The following FAM219B variants were observed in gnomAD, a reference collection of about 807,000 sequenced individuals.
The protein encoded by FAM219B is family with sequence similarity 219 member B.
FAM219B carries 18 observed loss-of-function variants against 19.9 expected under a neutral mutation model. That is an observed-to-expected ratio of 0.91 (90% CI 0.63 to 1.34). The LOEUF is 1.34. FAM219B is among the 40% of genes most tolerant of loss of function. The pLI, the probability that FAM219B is intolerant of heterozygous loss-of-function variation, is 0.00. For synonymous variants in FAM219B, 123 were observed against 117.5 expected (o/e 1.05, Z -0.30); for missense variants, 283 against 270.5 (o/e 1.05, Z -0.32).
intron 4 of FAM219B, 58 bp downstream of exon 4, chr15:74,904,606 C>T: frequency 6.3e-7 from 1 of 1,591,286 alleles, no homozygotes; most frequent in Non-Finnish European, 8.6e-7. Context: ...AAGCATTTGG[C>T]AGTGGTGGTA....
At chr15:74,905,870 C>T (rs931098957) in intron 2 of FAM219B, 1 of 170,722 alleles carries the variant, frequency 5.9e-6, no homozygotes, top group Non-Finnish European at 1.3e-5. Flanking sequence ...CGAGTTTCAA[C>T]CCTCATCTGT....
In FAM219B at chr15:74,906,846, A is replaced by C. The variant is rs1595853991; in HGVS notation, c.-46T>G. 4 of 1,236,154 alleles carry C rather than the reference A, an allele frequency of 3.2e-6. No individual in the cohort carries two copies. The highest frequency in any genetic ancestry group is 3.0e-6 in the Non-Finnish European group (3 of 990,216). The allele number at this position is 1,236,154 out of a possible 1,614,324, so 76.6% of individuals were successfully genotyped here. A position where few individuals can be genotyped will look rare whatever the true frequency, so the allele number is the denominator to read the frequency against. Reference sequence around the variant, plus strand: ...GATGGTGCAACCCCGCCCGTGGCGAAAGAGTGACCGGCCGAGGGAGAGGCG... The same window carrying C: ...GATGGTGCAACCCCGCCCGTGGCGACAGAGTGACCGGCCGAGGGAGAGGCG... On this transcript the variant is annotated 5_prime_UTR_variant, in exon 1 of 5. Coordinates refer to ENST00000357635, the MANE Select transcript of FAM219B (RefSeq NM_020447.5).
Position 74,906,654 on chromosome 15 carries a change from G to T in FAM219B, c.147C>A (p.Thr49=). 1 of 1,507,742 alleles carries T rather than the reference G, an allele frequency of 6.6e-7. No homozygotes were observed. Among genetic ancestry groups the T allele is most frequent in the South Asian group, 1.4e-5 (1 of 73,634 alleles). 93.4% of individuals were successfully genotyped at this position (1,507,742 alleles called of 1,614,324 possible). A position where few individuals can be genotyped will look rare whatever the true frequency, so the allele number is the denominator to read the frequency against. ...GCCCCCGCTTTTCCACGGCCGCGGG[G>T]GTGCGCTCCCCCAGACGGAGGGCTC... ...GNRALRLGER[T]PAAVEKRGPY... Residue 49 remains threonine (T), a synonymous_variant, in exon 1 of 5, where the codon ACC becomes ACA. Coordinates refer to ENST00000357635, the MANE Select transcript of FAM219B (RefSeq NM_020447.5).
chr15:74,904,191 T>C (rs551056766), intron 4 of FAM219B, among the ~76,000 whole-genome samples: 2 of 152,334 alleles, frequency 1.3e-5, no homozygotes, highest in Non-Finnish European at 2.9e-5. Flanking sequence ...AGGTGGTCAG[T>C]ACCCAATTAC....
At position 74,902,180 on chromosome 15, in the gene FAM219B, C is replaced by T. The variant is rs576167905; in HGVS notation, c.*439G>A. 1.0e-5 allele frequency: 4 copies of T among 398,600 alleles called. No individual in the cohort carries two copies. The highest frequency in any genetic ancestry group is 1.8e-5 in the Non-Finnish European group (4 of 226,102). 24.7% of individuals were successfully genotyped at this position (398,600 alleles called of 1,614,324 possible). ...TTCTCGAACTGGTCTCAAACAGTTT[C>T]TTTTTTGGATTGCCAGCTATAATAA... On this transcript the variant is annotated 3_prime_UTR_variant, in exon 5 of 5. Transcript: ENST00000357635.
chr15:74,900,748 G>A lies in FAM219B; in HGVS notation c.*1871C>T, dbSNP rs1474090377. The A allele has an allele frequency of 2.6e-5, 4 of 152,364 alleles. No homozygotes were observed. Among genetic ancestry groups the A allele is most frequent in the Non-Finnish European group, 4.4e-5 (3 of 68,062 alleles). 9.4% of individuals were successfully genotyped at this position (152,364 alleles called of 1,614,324 possible). On this transcript the variant is annotated 3_prime_UTR_variant, in exon 5 of 5. Transcript: ENST00000357635. ...CTGCAGAGTCCCATTCCAGAACAGA[G>A]TAACCATCTGCCTCTCTTCCCAAGA... is the stretch of plus-strand genomic sequence containing the variant.
chr15:74,898,178 G>A (rs999783193), downstream of FAM219B: 14 of 324,052 alleles, frequency 4.3e-5, no homozygotes, highest in East Asian at 7.6e-5. Flanking sequence ...GTAGACTAAC[G>A]CTGTTTACAC....
At position 74,906,785 on chromosome 15, in the gene FAM219B, G is replaced by C; in HGVS notation, c.16C>G (p.Pro6Ala). 7.8e-7 allele frequency: 1 copy of C among 1,287,152 alleles called. No individual in the cohort carries two copies. Among genetic ancestry groups the C allele is most frequent in the Non-Finnish European group, 9.8e-7 (1 of 1,017,824 alleles). The allele number at this position is 1,287,152 out of a possible 1,614,324, so 79.7% of individuals were successfully genotyped here. A position where few individuals can be genotyped will look rare whatever the true frequency, so the allele number is the denominator to read the frequency against. ...GACAACCGCAACGCGCGCCCGCTGG[G>C]CTCCGCGGTCGCCATGGCCGGGCCC... is the stretch of plus-strand genomic sequence containing the variant. MATAE[P>A]SGRALRLSTP... The change falls in exon 1 of 5, where the codon CCC becomes GCC. Residue 6 changes from proline to alanine, a missense_variant. Coordinates refer to ENST00000357635, the MANE Select transcript of FAM219B (RefSeq NM_020447.5).
chr15:74,904,666 C>G lies in FAM219B; in HGVS notation c.427G>C (p.Glu143Gln), dbSNP rs1283050933. Residue 143 changes from glutamate (E) to glutamine (Q), a missense_variant and splice_region_variant, in exon 4 of 5, where the codon GAG becomes CAG. Glu to Gln is a conservative substitution (Grantham distance 29). Transcript: ENST00000357635. ...SRYSSGYSSA[E>Q]QVNQDVSRQL... ...ACAGAAAGGTGTTCTGGACTTGCCT[C>G]TGCAGATGAATACCCGGAGGAGTAT... The G allele has an allele frequency of 6.2e-7, 1 of 1,614,216 alleles. No homozygotes were observed. Among genetic ancestry groups the G allele is most frequent in the Admixed American group, 1.7e-5 (1 of 60,024 alleles).
In FAM219B at chr15:74,904,649, G is replaced by A; in HGVS notation, c.429+15C>T. 2 of 1,614,218 alleles carry A rather than the reference G, an allele frequency of 1.2e-6. No homozygotes were observed. Among genetic ancestry groups the A allele is most frequent in the Non-Finnish European group, 1.7e-6 (2 of 1,180,014 alleles). Reference sequence around the variant, plus strand: ...CTGCAGCCTGGCCCTGCACAGAAAGGTGTTCTGGACTTGCCTCTGCAGATG... The same window carrying A: ...CTGCAGCCTGGCCCTGCACAGAAAGATGTTCTGGACTTGCCTCTGCAGATG... On this transcript the variant is annotated intron_variant, in intron 4 of 4. Coordinates refer to ENST00000357635, the MANE Select transcript of FAM219B (RefSeq NM_020447.5).
Position 74,900,648 on chromosome 15 carries a change from G to A in FAM219B, c.*1971C>T, listed in dbSNP as rs2064916186. 6.6e-6 allele frequency: 1 copy of A among 152,246 alleles called. No individual in the cohort carries two copies. The highest frequency in any genetic ancestry group is 2.4e-5 in the African/African-American group (1 of 41,430). The allele number at this position is 152,246 out of a possible 1,614,324, so 9.4% of individuals were successfully genotyped here. A position where few individuals can be genotyped will look rare whatever the true frequency, so the allele number is the denominator to read the frequency against. ...ACATGGTCTCTGCAGATGGGGAAGGGGTTCTGGATGGAGATGTTCTTGAGC... is the reference window on the plus strand; with the variant it reads ...ACATGGTCTCTGCAGATGGGGAAGGAGTTCTGGATGGAGATGTTCTTGAGC... On this transcript the variant is annotated 3_prime_UTR_variant, in exon 5 of 5. Coordinates refer to ENST00000357635, the MANE Select transcript of FAM219B (RefSeq NM_020447.5).
At position 74,902,147 on chromosome 15, in the gene FAM219B, A is replaced by C. The variant is rs2064985761; in HGVS notation, c.*472T>G. On this transcript the variant is annotated 3_prime_UTR_variant, in exon 5 of 5. Coordinates refer to ENST00000357635, the MANE Select transcript of FAM219B (RefSeq NM_020447.5). The stretch of plus-strand genomic sequence containing the variant: ...TCTTAGAGCTAGGAAGAATAGAGCA[A>C]ACGGAATTTCTCGAACTGGTCTCAA... 2.5e-6 allele frequency: 1 copy of C among 398,746 alleles called. No individual in the cohort carries two copies. Among genetic ancestry groups the C allele is most frequent in the East Asian group, 3.6e-5 (1 of 28,084 alleles). 24.7% of individuals were successfully genotyped at this position (398,746 alleles called of 1,614,324 possible).
intron 4 of FAM219B, among the ~76,000 whole-genome samples, chr15:74,904,042 T>C (rs1261444710): frequency 6.6e-6 from 1 of 152,142 alleles, no homozygotes; most frequent in East Asian, 1.9e-4. Context: ...TCAGAGAAAC[T>C]AGAGTTGCTG....
At chr15:74,903,614 A>T (rs1406829658) in intron 4 of FAM219B, among the ~76,000 whole-genome samples, 1 of 146,972 alleles carries the variant, frequency 6.8e-6, no homozygotes, top group African/African-American at 2.6e-5. Flanking sequence ...AAAAAAAAAA[A>T]AAAAAAAAAA....
At chr15:74,899,112 A>T (rs777074832), downstream of FAM219B, 1 of 152,208 alleles carries the variant, frequency 6.6e-6, no homozygotes, top group Non-Finnish European at 1.5e-5. Context: ...TAGCTTTCCT[A>T]AACGGGCAGG....
chr15:74,906,530 G>A, intron 1 of FAM219B, 57 bp downstream of exon 1: 3 of 1,461,754 alleles, frequency 2.1e-6, no homozygotes, highest in South Asian at 1.4e-5. Context: ...AACCCGCCCT[G>A]GGGACGCGGC....
At chr15:74,903,884 C>T (rs1250947288) in intron 4 of FAM219B, among the ~76,000 whole-genome samples, 1 of 152,146 alleles carries the variant, frequency 6.6e-6, no homozygotes, top group African/African-American at 2.4e-5. Flanking sequence ...CTGGGACAGT[C>T]ACTCTAGAAA....
At position 74,906,307 on chromosome 15, in the gene FAM219B, C is replaced by T; in HGVS notation, c.273G>A (p.Ser91=). ...TCCCTGAAGAGTCTGGGCGGTTCGG[C>T]GAGGCCCCCAGCATGCCTTTTCTCC... The part of the protein sequence containing the change: ...VLRRKGMLGA[S]PNRPDSSGKR... Residue 91 remains serine, a synonymous_variant, in exon 2 of 5, where the codon TCG becomes TCA. Transcript: ENST00000357635. 1 of 1,613,626 alleles carries T rather than the reference C, an allele frequency of 6.2e-7. No homozygotes were observed. The highest frequency in any genetic ancestry group is 8.5e-7 in the Non-Finnish European group (1 of 1,179,946).
At chr15:74,902,812 T>C in intron 4 of FAM219B, 26 bp from the exon 5 acceptor site, 1 of 1,585,776 alleles carries the variant, frequency 6.3e-7, no homozygotes, top group Non-Finnish European at 8.6e-7. Flanking sequence ...GAGGGAACTA[T>C]AGGCCAAGAT....
Sources: gnomAD v4.1 joint callset for allele counts (sites outside exome capture counted in the v4.1 genomes callset) on GRCh38, gnomAD v4.1.1 for gene constraint, MANE v1.5 for transcripts, NCBI Gene and HGNC (gene_info 2026-07-23, HGNC 2026-07-21) for gene names.